TRPC7: variants seen among roughly 807,000 people sequenced by gnomAD.
TRPC7 encodes transient receptor potential cation channel subfamily C member 7.
Under a neutral mutation model 90.1 loss-of-function variants are expected in TRPC7, and 42 were observed. The ratio of observed to expected loss-of-function variants is 0.47; its 90% CI spans 0.36 to 0.60. TRPC7 has a LOEUF of 0.60. Among genes scored for constraint, TRPC7 ranks in the 20% least tolerant of loss-of-function variants. TRPC7 has a pLI of 0.00. For missense variants in TRPC7, 955 were observed against 1,112.3 expected, an observed-to-expected ratio of 0.86 and a Z score of 2.01; for synonymous variants, 451 against 436.3, an observed-to-expected ratio of 1.03 and a Z score of -0.42.
chr5:136,352,399 C>A (rs935985724), intron 2 of TRPC7, among the ~76,000 whole-genome samples: 13 of 152,006 alleles, frequency 8.6e-5, no homozygotes, highest in Admixed American at 2.0e-4. Flanking sequence ...AGACAAAATG[C>A]CCAGGAATTT....
intron 3 of TRPC7, among the ~76,000 whole-genome samples, chr5:136,280,450 G>T (rs344826): frequency 0.33 from 49,874 of 152,050 alleles, 8,581 homozygotes; most frequent in South Asian, 0.5. Flanking sequence ...CTTCTGTTGA[G>T]TGATTGATAA....
At chr5:136,331,539 G>C (rs1274292665) in intron 2 of TRPC7, among the ~76,000 whole-genome samples, 2 of 152,194 alleles carry the variant, frequency 1.3e-5, no homozygotes, top group Admixed American at 6.5e-5. Flanking sequence ...TTTACATCCA[G>C]CTTCATAGTT....
At chr5:136,307,240 C>T (rs1758668379) in intron 3 of TRPC7, among the ~76,000 whole-genome samples, 1 of 151,686 alleles carries the variant, frequency 6.6e-6, no homozygotes. Context: ...AAATCTATTC[C>T]TTCTGTCTCT....
In TRPC7 at chr5:136,337,394, G is replaced by A. The variant is rs553787374; in HGVS notation, c.780+19214C>T. 6.6e-5 allele frequency among the ~76,000 whole-genome samples: 10 copies of A among 152,262 alleles called. No homozygotes were observed. The South Asian group carries it at 8.3e-4, about 13-fold the overall frequency. ...TAAAATATCTGTTTTAGGGCCAGGCGTGGTGGCTCACGCCTATAATCTCAG... is the reference window on the plus strand; with the variant it reads ...TAAAATATCTGTTTTAGGGCCAGGCATGGTGGCTCACGCCTATAATCTCAG... On this transcript the variant is annotated intron_variant, in intron 2 of 11. Coordinates refer to ENST00000513104, the MANE Select transcript of TRPC7 (RefSeq NM_020389.3).
intron 3 of TRPC7, among the ~76,000 whole-genome samples, chr5:136,301,330 G>C (rs1172652900): frequency 8.1e-6 from 1 of 123,342 alleles, no homozygotes; most frequent in African/African-American, 3.3e-5. Flanking sequence ...CCCAGCCCAG[G>C]CATTTTTTTT....
At chr5:136,213,908 A>ACAAGTT in intron 11 of TRPC7, 1 of 319,124 alleles carries the variant, frequency 3.1e-6, no homozygotes, top group Non-Finnish European at 5.8e-6. Flanking sequence ...TGTTTCATAA[A>ACAAGTT]ATACTTGTTA....
chr5:136,256,673 A>G (rs1756696674), intron 5 of TRPC7, among the ~76,000 whole-genome samples: 1 of 152,198 alleles, frequency 6.6e-6, no homozygotes, highest in African/African-American at 2.4e-5. Flanking sequence ...CTCTGACCTC[A>G]TAAAGTTTGG....
chr5:136,277,353 A>G (rs934074343), intron 3 of TRPC7, among the ~76,000 whole-genome samples: 8 of 152,250 alleles, frequency 5.3e-5, no homozygotes, highest in African/African-American at 1.9e-4. Flanking sequence ...ACCTAGCTTC[A>G]GACATGCTGT....
intron 2 of TRPC7, among the ~76,000 whole-genome samples, chr5:136,318,478 G>C (rs569390309): frequency 6.6e-6 from 1 of 152,238 alleles, no homozygotes; most frequent in South Asian, 2.1e-4. Flanking sequence ...CCTTATATCT[G>C]CCACTGATCT....
chr5:136,275,215 A>C (rs1171543208), intron 3 of TRPC7, among the ~76,000 whole-genome samples: 1 of 152,152 alleles, frequency 6.6e-6, no homozygotes, highest in Non-Finnish European at 1.5e-5. Context: ...ACACAGAGGA[A>C]TGGATGGAGC....
chr5:136,230,180 C>T (rs1755772190), intron 8 of TRPC7, among the ~76,000 whole-genome samples: 1 of 152,222 alleles, frequency 6.6e-6, no homozygotes, highest in Admixed American at 6.5e-5. Flanking sequence ...GATATTGGAT[C>T]TATTCCCAGA....
intron 1 of TRPC7, among the ~76,000 whole-genome samples, chr5:136,363,074 G>T: frequency 6.6e-6 from 1 of 152,180 alleles, no homozygotes. Context: ...TTTAAAATAA[G>T]GTATGAATTC....
chr5:136,238,412 GGAT>G (rs1323739055), intron 7 of TRPC7, among the ~76,000 whole-genome samples: 1 of 152,152 alleles, frequency 6.6e-6, no homozygotes, highest in Non-Finnish European at 1.5e-5. Flanking sequence ...TTTTGTCAAT[GGAT>G]GATGGAACGC....
intron 7 of TRPC7, among the ~76,000 whole-genome samples, chr5:136,233,422 C>T (rs1755878725): frequency 6.6e-6 from 1 of 152,198 alleles, no homozygotes; most frequent in African/African-American, 2.4e-5. Flanking sequence ...TCATGATTCA[C>T]TGCAGTACTG....
chr5:136,270,110 C>T (rs1757161363), intron 4 of TRPC7, among the ~76,000 whole-genome samples: 1 of 152,108 alleles, frequency 6.6e-6, no homozygotes, highest in Non-Finnish European at 1.5e-5. Flanking sequence ...TAGTCAGCAG[C>T]TAAGATGTTT....
At position 136,235,726 on chromosome 5, in the gene TRPC7, C is replaced by A. The variant is rs186468602; in HGVS notation, c.1845-4177G>T. 1.5e-3 allele frequency among the ~76,000 whole-genome samples: 228 copies of A among 152,210 alleles called. 1 individual carries two copies. Among genetic ancestry groups the A allele is most frequent in the African/African-American group, 5.4e-3 (223 of 41,536 alleles). On this transcript the variant is annotated intron_variant, in intron 7 of 11. Transcript: ENST00000513104. Reference sequence around the variant, plus strand: ...TAAAGCTGCTTGACTCACAGAAAGCCCCACTTAGCTGGTCTTAAGACTAGA... The same window carrying A: ...TAAAGCTGCTTGACTCACAGAAAGCACCACTTAGCTGGTCTTAAGACTAGA...
chr5:136,226,308 GGAGCCCAACCT>G, intron 8 of TRPC7, 53 bp from the exon 9 acceptor site: 1 of 1,356,810 alleles, frequency 7.4e-7, no homozygotes, highest in South Asian at 1.3e-5. Flanking sequence ...ATTTAACAAC[GGAGCCCAACCT>G]GAGGAGCAGA....
intron 3 of TRPC7, among the ~76,000 whole-genome samples, chr5:136,309,313 A>G (rs1036955998): frequency 2.0e-5 from 3 of 152,204 alleles, no homozygotes; most frequent in African/African-American, 7.2e-5. Flanking sequence ...TCTATTGCCA[A>G]AGAATTTCAA....
chr5:136,294,150 T>A (rs1350493605), intron 3 of TRPC7, among the ~76,000 whole-genome samples: 2 of 152,172 alleles, frequency 1.3e-5, no homozygotes, highest in African/African-American at 4.8e-5. Context: ...TCAAGATGGA[T>A]TAAAGACTTA....
Sources: allele counts gnomAD v4.1 joint callset (sites outside exome capture counted in the v4.1 genomes callset), GRCh38; gene constraint gnomAD v4.1.1; transcripts MANE v1.5; gene names NCBI Gene and HGNC (gene_info 2026-07-23, HGNC 2026-07-21).